The following RTN1 variants were observed in gnomAD, a reference collection of about 807,000 sequenced individuals.
RTN1 encodes the protein reticulon-1.
RTN1 carries 25 observed loss-of-function variants against 65.5 expected under a neutral mutation model. The observed-to-expected ratio is 0.38, with a 90% CI of 0.28 to 0.53. RTN1 has a LOEUF of 0.53. Ranked by LOEUF, RTN1 falls within the 20% of genes least tolerant of loss-of-function variation. RTN1 has a pLI of 0.79. For synonymous variants in RTN1, 471 were observed against 447.6 expected, an observed-to-expected ratio of 1.05 and a Z score of -0.66; for missense variants, 983 against 1,025.4, an observed-to-expected ratio of 0.96 and a Z score of 0.57.
chr14:59,819,023 T>C (rs1304031972), intron 1 of RTN1, among the ~76,000 whole-genome samples: 1 of 152,078 alleles, frequency 6.6e-6, no homozygotes, highest in Non-Finnish European at 1.5e-5. Flanking sequence ...TCAAAAGTGA[T>C]GCTGCACACC....
intron 3 of RTN1, among the ~76,000 whole-genome samples, chr14:59,643,111 AAAAG>A: frequency 6.6e-6 from 1 of 152,186 alleles, no homozygotes; most frequent in Non-Finnish European, 1.5e-5. Context: ...AGTCTAAGAA[AAAAG>A]AAAGAACACA....
chr14:59,786,733 G>A (rs770805340), intron 1 of RTN1, among the ~76,000 whole-genome samples: 7 of 152,150 alleles, frequency 4.6e-5, no homozygotes, highest in Non-Finnish European at 7.3e-5. Context: ...TGATGAATAC[G>A]CAGGCTAACA....
Position 59,836,240 on chromosome 14 carries a change from C to T in RTN1, c.241+34150G>A, listed in dbSNP as rs1234111560. Among the ~76,000 whole-genome samples the T allele has an allele frequency of 6.6e-6, 1 of 152,228 alleles. No homozygotes were observed. The highest frequency in any genetic ancestry group is 6.5e-5 in the Admixed American group (1 of 15,270). On this transcript the variant is annotated intron_variant, in intron 1 of 8. Transcript: ENST00000267484. The surrounding 1 kb of genome is among the most constrained non-coding windows in gnomAD (Gnocchi z 4.9). ...AGGTTCCAGGGATTAGACGTGGACA[C>T]CTTTGGGAGCCATTATTCTGCCTAC...
At chr14:59,722,426 A>G (rs1283225880) in intron 3 of RTN1, among the ~76,000 whole-genome samples, 1 of 152,278 alleles carries the variant, frequency 6.6e-6, no homozygotes, top group Admixed American at 6.5e-5. Context: ...AGGAAGAAAG[A>G]CAAGGATAGA....
In RTN1 at chr14:59,775,120, A is replaced by G. The variant is rs370590284; in HGVS notation, c.242-28639T>C. ...CATGAAAACTGCTCTTGTAAAGGCG[A>G]TAAGTTCCATCTCTAGACTGAGTTA... On this transcript the variant is annotated intron_variant, in intron 1 of 8. Coordinates refer to ENST00000267484, the MANE Select transcript of RTN1 (RefSeq NM_021136.3). Among the ~76,000 whole-genome samples, 61 of 152,280 alleles carry G rather than the reference A, an allele frequency of 4.0e-4. 1 individual carries two copies. The highest frequency in any genetic ancestry group is 1.5e-3 in the Admixed American group (23 of 15,286).
chr14:59,739,572 T>G (rs1594712179), intron 2 of RTN1, among the ~76,000 whole-genome samples: 6 of 145,162 alleles, frequency 4.1e-5, no homozygotes, highest in South Asian at 2.2e-4. Context: ...GGGAGGGAAG[T>G]AGAAGGAGTA....
Position 59,605,483 on chromosome 14 carries a change from GTGA to G in RTN1, c.1994_1996del (p.Ile665del). 1.2e-6 allele frequency: 2 copies of G among 1,614,082 alleles called. No homozygotes were observed. Among genetic ancestry groups the G allele is most frequent in the South Asian group, 1.1e-5 (1 of 91,062 alleles). ...CTTCTGAATCTGCTCCTGAGAAAGG[GTGA>G]TCTCAAGCTCCAAGTAGGCCCTGTC... On this transcript the variant is annotated inframe_deletion, in exon 5 of 9. Transcript: ENST00000267484.
intron 1 of RTN1, among the ~76,000 whole-genome samples, chr14:59,842,623 C>T (rs1887334798): frequency 6.6e-6 from 1 of 152,098 alleles, no homozygotes; most frequent in Non-Finnish European, 1.5e-5. Flanking sequence ...TTAACTTAAC[C>T]TAATTGGCAC....
chr14:59,848,331 T>C (rs1245851985), intron 1 of RTN1, among the ~76,000 whole-genome samples: 1 of 152,232 alleles, frequency 6.6e-6, no homozygotes, highest in Admixed American at 6.5e-5. Flanking sequence ...TTTTATTATA[T>C]AAATTCTCAA....
intron 3 of RTN1, among the ~76,000 whole-genome samples, chr14:59,677,216 G>A (rs1203483596): frequency 6.6e-6 from 1 of 152,202 alleles, no homozygotes; most frequent in Non-Finnish European, 1.5e-5. Context: ...TTATGTTGAT[G>A]CAATACATTC....
intron 3 of RTN1, among the ~76,000 whole-genome samples, chr14:59,681,665 A>G (rs760524089): frequency 6.6e-6 from 1 of 152,114 alleles, no homozygotes; most frequent in African/African-American, 2.4e-5. Flanking sequence ...CAGGTCACTA[A>G]CTGCTTACTA....
intron 3 of RTN1, among the ~76,000 whole-genome samples, chr14:59,703,358 AAT>A (rs1432608929): frequency 1.3e-5 from 2 of 152,190 alleles, no homozygotes; most frequent in Non-Finnish European, 2.9e-5. Flanking sequence ...CTTAGTGATC[AAT>A]GAGTTCTCAC....
intron 3 of RTN1, among the ~76,000 whole-genome samples, chr14:59,680,935 T>C (rs1883732851): frequency 6.6e-6 from 1 of 152,164 alleles, no homozygotes; most frequent in South Asian, 2.1e-4. Flanking sequence ...AGTATATGAA[T>C]TTATACAGCC....
At chr14:59,762,097 G>A (rs2139546816) in intron 1 of RTN1, among the ~76,000 whole-genome samples, 1 of 152,294 alleles carries the variant, frequency 6.6e-6, no homozygotes. Flanking sequence ...AGACGTGACA[G>A]GGAGCATGGG....
intron 3 of RTN1, among the ~76,000 whole-genome samples, chr14:59,612,643 C>T (rs1327312213): frequency 6.6e-6 from 1 of 152,192 alleles, no homozygotes; most frequent in Non-Finnish European, 1.5e-5. Context: ...GCCAGCTTGG[C>T]AGGCTCGTCA....
intron 3 of RTN1, among the ~76,000 whole-genome samples, chr14:59,637,529 T>C (rs947351975): frequency 1.3e-5 from 2 of 151,886 alleles, no homozygotes; most frequent in African/African-American, 4.8e-5. Context: ...CTGGCCAACA[T>C]GGTGAAACCC....
chr14:59,797,894 T>C (rs1012914609), intron 1 of RTN1, among the ~76,000 whole-genome samples: 9 of 152,194 alleles, frequency 5.9e-5, no homozygotes, highest in African/African-American at 2.2e-4. Flanking sequence ...ATGCCAACAT[T>C]TTAAAAGACT....
At chr14:59,659,701 G>A (rs1842068764) in intron 3 of RTN1, among the ~76,000 whole-genome samples, 1 of 152,208 alleles carries the variant, frequency 6.6e-6, no homozygotes, top group South Asian at 2.1e-4. Context: ...GAGACATTTT[G>A]TCACCACCAG....
chr14:59,788,151 A>G (rs1182219737), intron 1 of RTN1, among the ~76,000 whole-genome samples: 1 of 152,126 alleles, frequency 6.6e-6, no homozygotes, highest in Non-Finnish European at 1.5e-5. Flanking sequence ...TTTTTCCCAG[A>G]ATTTTATAAC....
Sources: allele counts gnomAD v4.1 joint callset (sites outside exome capture counted in the v4.1 genomes callset), GRCh38; gene constraint gnomAD v4.1.1; non-coding constraint Gnocchi (gnomAD v3.1); transcripts MANE v1.5; gene names NCBI Gene and HGNC (gene_info 2026-07-23, HGNC 2026-07-21).